Variants in SLC44A3 observed in about 807,000 individuals in gnomAD.
The protein encoded by SLC44A3 is choline transporter-like protein 3.
Under a neutral mutation model 75.4 loss-of-function variants are expected in SLC44A3, and 74 were observed. The ratio of observed to expected loss-of-function variants is 0.98; its 90% CI spans 0.81 to 1.19. The LOEUF (loss-of-function observed/expected upper bound fraction) is 1.19. Among genes scored for constraint, SLC44A3 ranks in the 50% most tolerant of loss-of-function variants. The pLI, the probability that SLC44A3 is intolerant of heterozygous loss-of-function variation, is 0.00. For missense variants in SLC44A3, 700 were observed against 778.6 expected, an observed-to-expected ratio of 0.90 and a Z score of 1.20; for synonymous variants, 310 against 296.9, an observed-to-expected ratio of 1.04 and a Z score of -0.45.
intron 12 of SLC44A3, among the ~76,000 whole-genome samples, chr1:94,871,709 C>G (rs1331416757): frequency 6.6e-6 from 1 of 152,168 alleles, no homozygotes; most frequent in Non-Finnish European, 1.5e-5. Context: ...TCTGAACATT[C>G]TAGAAAATCC....
At chr1:94,856,503 C>A (rs1235128438) in intron 9 of SLC44A3, among the ~76,000 whole-genome samples, 1 of 152,134 alleles carries the variant, frequency 6.6e-6, no homozygotes, top group Non-Finnish European at 1.5e-5. Context: ...TTTGAGATAA[C>A]AAAGACCCTT....
At chr1:94,844,532 A>G (rs1486044238) in intron 8 of SLC44A3, among the ~76,000 whole-genome samples, 2 of 152,242 alleles carry the variant, frequency 1.3e-5, no homozygotes, top group Non-Finnish European at 2.9e-5. Flanking sequence ...AGGGAGGAAA[A>G]TGTTTCGAGA....
chr1:94,830,331 GC>G (rs1473461297), intron 5 of SLC44A3, among the ~76,000 whole-genome samples: 2 of 152,118 alleles, frequency 1.3e-5, no homozygotes, highest in Non-Finnish European at 2.9e-5. Flanking sequence ...TCCTGCCTCA[GC>G]CTCCCAAGTA....
At chr1:94,824,403 G>T in intron 2 of SLC44A3, 90 bp from the exon 3 acceptor site, 1 of 1,442,442 alleles carries the variant, frequency 6.9e-7, no homozygotes, top group Non-Finnish European at 9.2e-7. Flanking sequence ...CGTTCCACCA[G>T]GCTCCGTTTT....
At chr1:94,861,621 A>C (rs1248992046) in intron 10 of SLC44A3, among the ~76,000 whole-genome samples, 1 of 152,204 alleles carries the variant, frequency 6.6e-6, no homozygotes, top group Middle Eastern at 3.2e-3. Context: ...CCTAATTTTG[A>C]AACCTCAAGA....
intron 6 of SLC44A3, among the ~76,000 whole-genome samples, chr1:94,839,581 GT>G (rs1663303932): frequency 6.6e-6 from 1 of 152,068 alleles, no homozygotes; most frequent in African/African-American, 2.4e-5. Flanking sequence ...TAGAGATGGG[GT>G]TTTGCCAGGT....
At chr1:94,885,179 C>T (rs966054140) in intron 12 of SLC44A3, among the ~76,000 whole-genome samples, 9 of 139,516 alleles carry the variant, frequency 6.5e-5, no homozygotes, top group Admixed American at 3.9e-4. Context: ...GGAATACAAT[C>T]GCGCCATTGC....
At chr1:94,875,547 T>C (rs2101563122) in intron 12 of SLC44A3, among the ~76,000 whole-genome samples, 1 of 152,278 alleles carries the variant, frequency 6.6e-6, no homozygotes, top group South Asian at 2.1e-4. Flanking sequence ...GTGTGTCACT[T>C]TACACAGTAT....
chr1:94,867,142 G>T (rs999978270), intron 11 of SLC44A3, among the ~76,000 whole-genome samples, 189 bp from the exon 12 acceptor site: 1 of 152,108 alleles, frequency 6.6e-6, no homozygotes, highest in Non-Finnish European at 1.5e-5. Context: ...CCACAAGACA[G>T]AAATGTTGCT....
intron 12 of SLC44A3, among the ~76,000 whole-genome samples, chr1:94,880,728 T>C (rs909590639): frequency 9.2e-5 from 14 of 152,060 alleles, no homozygotes; most frequent in African/African-American, 2.7e-4. Flanking sequence ...AAAAGGGCGC[T>C]GGGGGCTAGG....
intron 3 of SLC44A3, chr1:94,825,842 CA>C (rs1355241030): frequency 4.4e-6 from 2 of 456,252 alleles, no homozygotes; most frequent in Non-Finnish European, 4.4e-6. Context: ...GAGCCACTTA[CA>C]AAGAAGACAG....
intron 2 of SLC44A3, among the ~76,000 whole-genome samples, chr1:94,823,509 A>G (rs991412915): frequency 2.0e-5 from 3 of 152,328 alleles, no homozygotes; most frequent in African/African-American, 7.2e-5. Flanking sequence ...CCTGGAGGCA[A>G]GGAGTAGGTT....
intron 12 of SLC44A3, among the ~76,000 whole-genome samples, chr1:94,887,466 T>G (rs698968): frequency 6.6e-6 from 1 of 152,190 alleles, no homozygotes; most frequent in Admixed American, 6.5e-5. Flanking sequence ...TTTTAATGCC[T>G]TCTTTCAGTG....
chr1:94,843,458 T>C (rs768375476), intron 8 of SLC44A3: 6 of 152,128 alleles, frequency 3.9e-5, no homozygotes, highest in Non-Finnish European at 7.3e-5. Flanking sequence ...CTGGGTGTCT[T>C]GCGGGGCCTC....
chr1:94,842,213 T>G (rs557538054), intron 8 of SLC44A3, 89 bp downstream of exon 8: 2 of 1,471,040 alleles, frequency 1.4e-6, no homozygotes, highest in African/African-American at 2.9e-5. Flanking sequence ...ACAACTATAA[T>G]TTGTTTTTCT....
intron 5 of SLC44A3, among the ~76,000 whole-genome samples, chr1:94,832,125 G>A (rs532794884): frequency 5.9e-5 from 9 of 151,938 alleles, no homozygotes; most frequent in Non-Finnish European, 1.2e-4. Context: ...CCAAGACCAC[G>A]CCATTGCACT....
Position 94,881,423 on chromosome 1 carries a change from G to A in SLC44A3, c.1483-9707G>A, listed in dbSNP as rs117924413. The stretch of plus-strand genomic sequence containing the variant: ...GTTGACATTCTCTTAAGAACCAATC[G>A]GCCAGGCGCGGTGGCTGATGCCTGT... On this transcript the variant is annotated intron_variant, in intron 12 of 14. Coordinates refer to ENST00000271227, the MANE Select transcript of SLC44A3 (RefSeq NM_001114106.3). 4.8e-3 allele frequency among the ~76,000 whole-genome samples: 731 copies of A among 152,310 alleles called. 3 individuals carry two copies. The highest frequency in any genetic ancestry group is 0.023 in the East Asian group (117 of 5,196).
Position 94,842,018 on chromosome 1 carries a change from G to A in SLC44A3, c.779G>A (p.Trp260Ter). Residue 260 changes from tryptophan (W) to a stop codon, truncating the protein, a stop_gained, in exon 8 of 15, where the codon TGG becomes TAG. Transcript: ENST00000271227. LOFTEE classifies it high-confidence loss of function. ...LGLLFVCGVL[W>*]WLYYDYTNDL... ...TTTCTAGTTGTCTGCGGTGTTTTAT[G>A]GTGGCTGTATTATGACTATACCAAC... 1 of 1,611,370 alleles carries A rather than the reference G, an allele frequency of 6.2e-7. No individual in the cohort carries two copies. The highest frequency in any genetic ancestry group is 8.5e-7 in the Non-Finnish European group (1 of 1,179,130).
chr1:94,854,646 C>T (rs999906263), intron 9 of SLC44A3, among the ~76,000 whole-genome samples: 1 of 152,234 alleles, frequency 6.6e-6, no homozygotes, highest in Non-Finnish European at 1.5e-5. Flanking sequence ...CGAGCTAGAT[C>T]CAACCTGTTT....
Sources: allele counts gnomAD v4.1 joint callset (sites outside exome capture counted in the v4.1 genomes callset), GRCh38; gene constraint gnomAD v4.1.1; transcripts MANE v1.5; gene names NCBI Gene and HGNC (gene_info 2026-07-23, HGNC 2026-07-21).